The following CDK6 variants were observed in gnomAD, a reference collection of about 807,000 sequenced individuals.
CDK6 encodes the protein cyclin-dependent kinase 6.
In CDK6, 6 loss-of-function variants were observed where a neutral mutation model predicts 37.1. The ratio of observed to expected loss-of-function variants is 0.16; its 90% CI spans 0.09 to 0.32. The LOEUF is 0.32. CDK6 is among the 10% of genes least tolerant of loss of function. The pLI, the probability that CDK6 is intolerant of heterozygous loss-of-function variation, is 1.00. For synonymous variants in CDK6, 160 were observed against 161.3 expected (o/e 0.99, Z 0.06); for missense variants, 224 against 418.9 (o/e 0.53, Z 4.06).
At chr7:92,806,305 G>A (rs1037309340) in intron 2 of CDK6, among the ~76,000 whole-genome samples, 16 of 152,222 alleles carry the variant, frequency 1.1e-4, no homozygotes, top group African/African-American at 3.1e-4. Context: ...TCAGTAAAGT[G>A]TTCTGAGCCT....
chr7:92,684,980 T>A (rs1368045551), intron 4 of CDK6, among the ~76,000 whole-genome samples: 1 of 152,208 alleles, frequency 6.6e-6, no homozygotes, highest in African/African-American at 2.4e-5. Context: ...AAAAAAGGTC[T>A]AATATGTAAT....
At chr7:92,699,668 C>T (rs926197356) in intron 4 of CDK6, among the ~76,000 whole-genome samples, 5 of 152,128 alleles carry the variant, frequency 3.3e-5, no homozygotes, top group Non-Finnish European at 2.9e-5. Context: ...TACAAATGTG[C>T]CTACTAGGTG....
chr7:92,792,501 A>T (rs549093150), intron 2 of CDK6, among the ~76,000 whole-genome samples: 16 of 152,240 alleles, frequency 1.1e-4, no homozygotes, highest in Admixed American at 3.9e-4. Context: ...TCTGAATCAA[A>T]ATATATATAT....
At chr7:92,766,272 T>C (rs1257815091) in intron 3 of CDK6, among the ~76,000 whole-genome samples, 8 of 152,118 alleles carry the variant, frequency 5.3e-5, no homozygotes, top group Non-Finnish European at 1.5e-5. Flanking sequence ...ACTAGAACTA[T>C]AGCAATGAAG....
intron 4 of CDK6, among the ~76,000 whole-genome samples, chr7:92,676,913 C>T (rs947513919): frequency 1.3e-5 from 2 of 149,620 alleles, no homozygotes; most frequent in South Asian, 2.1e-4. Context: ...GAGCTGAGAT[C>T]GCGCCACTGC....
rs42036 is a variant in CDK6, at chr7:92,612,137, C to G, written c.*3003G>C. The G allele has an allele frequency of 0.2, 47,268 of 232,834 alleles. 5,535 individuals carry two copies. The highest frequency in any genetic ancestry group is 0.25 in the Non-Finnish European group (29,886 of 117,818). 14.4% of individuals were successfully genotyped at this position (232,834 alleles called of 1,614,324 possible). On this transcript the variant is annotated 3_prime_UTR_variant, in exon 8 of 8. Transcript: ENST00000424848. ...TTTTTATATGTAGGTTGTTTTGACT[C>G]CACCCTGTGCAACAGTTCCCAAAAT... is the stretch of plus-strand genomic sequence containing the variant.
intron 2 of CDK6, among the ~76,000 whole-genome samples, chr7:92,780,275 A>G (rs1406316705): frequency 1.3e-5 from 2 of 152,178 alleles, no homozygotes. Flanking sequence ...CCCGGCCAGA[A>G]ACTTTAATAT....
At chr7:92,750,390 G>T (rs1177488368) in intron 3 of CDK6, among the ~76,000 whole-genome samples, 2 of 152,078 alleles carry the variant, frequency 1.3e-5, no homozygotes, top group Non-Finnish European at 2.9e-5. Flanking sequence ...ATACCTTCAG[G>T]ACTCTAAAAT....
At chr7:92,780,556 C>T (rs1180982680) in intron 2 of CDK6, among the ~76,000 whole-genome samples, 7 of 151,946 alleles carry the variant, frequency 4.6e-5, no homozygotes, top group South Asian at 4.2e-4. Context: ...GTCAGGAGAT[C>T]GAGACCAACC....
At chr7:92,792,547 A>C (rs1004090510) in intron 2 of CDK6, among the ~76,000 whole-genome samples, 1 of 152,154 alleles carries the variant, frequency 6.6e-6, no homozygotes, top group African/African-American at 2.4e-5. Context: ...ACCTGACAGA[A>C]GATTGTACCA....
At chr7:92,618,255 G>A in intron 6 of CDK6, 48 bp from the exon 7 acceptor site, 1 of 1,595,218 alleles carries the variant, frequency 6.3e-7, no homozygotes, top group Non-Finnish European at 8.5e-7. Context: ...CTATGCAGAA[G>A]CTGTTTTCTC....
chr7:92,617,341 T>C (rs1795703884), intron 7 of CDK6, among the ~76,000 whole-genome samples: 1 of 152,176 alleles, frequency 6.6e-6, no homozygotes, highest in African/African-American at 2.4e-5. Context: ...CTCTCTGGCA[T>C]GGGCCCCAGC....
intron 3 of CDK6, among the ~76,000 whole-genome samples, chr7:92,760,347 A>G (rs1169088973): frequency 6.6e-6 from 1 of 152,206 alleles, no homozygotes; most frequent in Non-Finnish European, 1.5e-5. Flanking sequence ...CATCATCATC[A>G]GTAAACATGT....
chr7:92,760,657 C>T (rs1274592938), intron 3 of CDK6, among the ~76,000 whole-genome samples: 1 of 152,016 alleles, frequency 6.6e-6, no homozygotes, highest in African/African-American at 2.4e-5. Context: ...TGGCACTAAC[C>T]CATTGTAAAC....
chr7:92,704,404 CCT>C (rs1011371596), intron 4 of CDK6, among the ~76,000 whole-genome samples: 39 of 152,066 alleles, frequency 2.6e-4, no homozygotes, highest in Non-Finnish European at 3.2e-4. Flanking sequence ...TCAGAGCCCT[CCT>C]CTCTCTTTTG....
At position 92,608,372 on chromosome 7, in the gene CDK6, G is replaced by A. The variant is rs1216430398; in HGVS notation, c.*6768C>T. 2.2e-5 allele frequency: 5 copies of A among 231,482 alleles called. No individual in the cohort carries two copies. The highest frequency in any genetic ancestry group is 8.8e-5 in the African/African-American group (4 of 45,252). 14.3% of individuals were successfully genotyped at this position (231,482 alleles called of 1,614,324 possible). A position where few individuals can be genotyped will look rare whatever the true frequency, so the allele number is the denominator to read the frequency against. The stretch of plus-strand genomic sequence containing the variant: ...CCTTTAATTACCTAACAAAGAAAAA[G>A]AGAGAAAAGAAACTGGAAGCTAAAG... On this transcript the variant is annotated 3_prime_UTR_variant, in exon 8 of 8. Coordinates refer to ENST00000424848, the MANE Select transcript of CDK6 (RefSeq NM_001145306.2).
chr7:92,618,448 G>T (rs1795729018), intron 6 of CDK6, among the ~76,000 whole-genome samples: 1 of 152,146 alleles, frequency 6.6e-6, no homozygotes, highest in African/African-American at 2.4e-5. Context: ...ATAAGAGATT[G>T]CTCTGGTAGC....
chr7:92,619,966 G>A (rs1795772213), intron 6 of CDK6, among the ~76,000 whole-genome samples: 1 of 152,152 alleles, frequency 6.6e-6, no homozygotes, highest in Admixed American at 6.5e-5. Flanking sequence ...CAGGGCAGAG[G>A]AGGGAATGAA....
chr7:92,663,928 C>T (rs888172485), intron 5 of CDK6, among the ~76,000 whole-genome samples: 9 of 151,806 alleles, frequency 5.9e-5, no homozygotes, highest in South Asian at 2.1e-4. Flanking sequence ...CCGAGGCGGG[C>T]GGATCAGGAG....
Sources: allele counts gnomAD v4.1 joint callset (sites outside exome capture counted in the v4.1 genomes callset), GRCh38; gene constraint gnomAD v4.1.1; transcripts MANE v1.5; gene names NCBI Gene and HGNC (gene_info 2026-07-23, HGNC 2026-07-21).